UMOD: variants seen among roughly 807,000 people sequenced by gnomAD.
UMOD encodes the protein Tamm-Horsfall urinary glycoprotein.
UMOD carries 64 observed loss-of-function variants against 66.0 expected under a neutral mutation model. The observed-to-expected ratio is 0.97, with a 90% CI of 0.79 to 1.19. UMOD has a LOEUF of 1.19. Among genes scored for constraint, UMOD ranks in the 50% most tolerant of loss-of-function variants. UMOD has a pLI of 0.00. For synonymous variants in UMOD, 398 were observed against 352.7 expected (o/e 1.13, Z -1.44); for missense variants, 764 against 850.9 (o/e 0.90, Z 1.27).
At chr16:20,333,538 G>A (rs1964702862) in intron 10 of UMOD, among the ~76,000 whole-genome samples, 163 bp from the exon 11 acceptor site, 1 of 152,190 alleles carries the variant, frequency 6.6e-6, no homozygotes, top group Non-Finnish European at 1.5e-5. Context: ...GAAAAAGGTG[G>A]ACCGATTTGA....
chr16:20,350,536 A>G (rs112433356), intron 2 of UMOD, 114 bp downstream of exon 2: 15,901 of 1,313,298 alleles, frequency 0.012, 123 homozygotes, highest in Middle Eastern at 0.044. Context: ...TGCAAGTCTC[A>G]AGTGCGATAG....
rs995256512 is a variant in UMOD at position 20,349,692 on chromosome 16, C to T, written c.89-480G>A. The T allele has an allele frequency of 2.4e-5, 36 of 1,482,212 alleles. No individual in the cohort carries two copies. In the East Asian group the frequency reaches 2.5e-4, roughly 10 times the overall value. The allele number at this position is 1,482,212 out of a possible 1,614,324, so 91.8% of individuals were successfully genotyped here. A position where few individuals can be genotyped will look rare whatever the true frequency, so the allele number is the denominator to read the frequency against. On this transcript the variant is annotated intron_variant, in intron 2 of 10. Coordinates refer to ENST00000396138, the MANE Select transcript of UMOD (RefSeq NM_003361.4). ...AATAGCCACATTCAGAAAAGTAATG[C>T]GCAGAATTCCTATACTTTGGTAGGA...
At chr16:20,349,704 A>G (rs1965796125) in intron 2 of UMOD, 2 of 1,503,860 alleles carry the variant, frequency 1.3e-6, no homozygotes, top group African/African-American at 1.4e-5. Flanking sequence ...CAGAATTCCT[A>G]TACTTTGGTA....
At chr16:20,352,332 A>G (rs980073683) in intron 1 of UMOD, among the ~76,000 whole-genome samples, 3 of 152,160 alleles carry the variant, frequency 2.0e-5, no homozygotes, top group Non-Finnish European at 4.4e-5. Context: ...ACCCGCTAAT[A>G]AGATGCGACC....
upstream of UMOD, among the ~76,000 whole-genome samples, chr16:20,354,148 T>C (rs942582232): frequency 4.6e-5 from 7 of 152,198 alleles, no homozygotes; most frequent in Non-Finnish European, 8.8e-5. Flanking sequence ...CTTAATCCAG[T>C]CTATCATTGA....
At position 20,333,305 on chromosome 16, in the gene UMOD, C is replaced by T. The variant is rs759526603; in HGVS notation, c.*9G>A. 87 of 1,612,334 alleles carry T rather than the reference C, an allele frequency of 5.4e-5. No individual in the cohort carries two copies. The East Asian group carries it at 1.7e-3, about 31-fold the overall frequency. On this transcript the variant is annotated 3_prime_UTR_variant, in exon 11 of 11. Coordinates refer to ENST00000396138, the MANE Select transcript of UMOD (RefSeq NM_003361.4). ...GGCAGCCATGGAGCACAGGGCTTTCCGCTGTCAGTCACTGAAAAGTCAGGG... is the reference window on the plus strand; with the variant it reads ...GGCAGCCATGGAGCACAGGGCTTTCTGCTGTCAGTCACTGAAAAGTCAGGG...
chr16:20,344,328 C>T (rs118059635), intron 5 of UMOD, among the ~76,000 whole-genome samples, 156 bp from the exon 6 acceptor site: 1,650 of 152,160 alleles, frequency 0.011, 70 homozygotes, highest in South Asian at 0.11. Context: ...TGTGGCCGGG[C>T]GCATTAGCTC....
rs1965955372 is a variant in UMOD, at chr16:20,352,712, G to T, written c.-126C>A. The stretch of plus-strand genomic sequence containing the variant: ...ACCTGAAGCCAGAAAGGTAGAGTTA[G>T]TCTGGTCATGATGTGCCTCATACTT... On this transcript the variant is annotated 5_prime_UTR_variant, in exon 1 of 11. Transcript: ENST00000396138. The T allele has an allele frequency of 8.1e-7, 1 of 1,231,678 alleles. No individual in the cohort carries two copies. The highest frequency in any genetic ancestry group is 1.0e-6 in the Non-Finnish European group (1 of 987,956). The allele number at this position is 1,231,678 out of a possible 1,614,324, so 76.3% of individuals were successfully genotyped here. A position where few individuals can be genotyped will look rare whatever the true frequency, so the allele number is the denominator to read the frequency against.
upstream of UMOD, among the ~76,000 whole-genome samples, chr16:20,354,743 C>T (rs1966006150): frequency 6.6e-6 from 1 of 152,036 alleles, no homozygotes; most frequent in Admixed American, 6.6e-5. Flanking sequence ...GTATTTGGTG[C>T]TTGTACATTT....
intron 7 of UMOD, 48 bp downstream of exon 7, chr16:20,341,043 C>T (rs753855376): frequency 6.3e-7 from 1 of 1,589,430 alleles, no homozygotes; most frequent in South Asian, 1.1e-5. Flanking sequence ...TCCAAAGACC[C>T]CCTCTGAATT....
chr16:20,335,351 C>A, intron 10 of UMOD, 131 bp downstream of exon 10: 1 of 893,210 alleles, frequency 1.1e-6, no homozygotes, highest in Non-Finnish European at 1.8e-6. Flanking sequence ...CTGAGCCACT[C>A]TCCTTATTTA....
At chr16:20,339,096 G>A (rs1000826505) in intron 7 of UMOD, among the ~76,000 whole-genome samples, 2 of 152,206 alleles carry the variant, frequency 1.3e-5, no homozygotes, top group Non-Finnish European at 2.9e-5. Flanking sequence ...TCCCAGCATA[G>A]CAGGTATTAT....
chr16:20,353,838 T>C (rs1039530334), upstream of UMOD, among the ~76,000 whole-genome samples: 1 of 152,206 alleles, frequency 6.6e-6, no homozygotes, highest in African/African-American at 2.4e-5. Context: ...ACATGTGCCA[T>C]GTTGATGTGC....
At chr16:20,345,996 T>C in intron 5 of UMOD, 130 bp downstream of exon 5, 2 of 787,826 alleles carry the variant, frequency 2.5e-6, no homozygotes, top group Non-Finnish European at 4.1e-6. Context: ...ATTTCTCCAC[T>C]TTACAGTTGA....
At position 20,348,885 on chromosome 16, in the gene UMOD, G is replaced by A. The variant is rs759481702; in HGVS notation, c.416C>T (p.Ala139Val). 1.2e-5 allele frequency: 19 copies of A among 1,552,628 alleles called. No homozygotes were observed. The South Asian group carries it at 2.0e-4, about 16-fold the overall frequency. Residue 139 changes from alanine to valine, a missense_variant, in exon 3 of 11, where the codon GCG becomes GTG. By Grantham distance (64) the Ala-to-Val change is moderately conservative. Transcript: ENST00000396138. ...GTGCCATCCATCCCCCCGGTAGCCC[G>A]CGGGGCATACGCACAAGTAGCTGCC... ...VVGSYLCVCP[A>V]GYRGDGWHCE...
At chr16:20,338,327 CT>C (rs1303496138) in intron 7 of UMOD, among the ~76,000 whole-genome samples, 10 of 152,278 alleles carry the variant, frequency 6.6e-5, no homozygotes, top group African/African-American at 2.4e-4. Flanking sequence ...GTCTCCCCGA[CT>C]TGTCTCCTCT....
At chr16:20,335,631 T>C (rs1303534969) in intron 9 of UMOD, 111 bp from the exon 10 acceptor site, 1 of 1,054,770 alleles carries the variant, frequency 9.5e-7, no homozygotes, top group African/African-American at 1.6e-5. Context: ...ACTGATCTCT[T>C]CAAAACCCAA....
intron 7 of UMOD, 89 bp downstream of exon 7, chr16:20,341,002 A>T: frequency 7.0e-7 from 1 of 1,434,084 alleles, no homozygotes; most frequent in Non-Finnish European, 9.5e-7. Context: ...AAAAAAAAAA[A>T]AAAAAAAGAT....
At position 20,349,700 on chromosome 16, in the gene UMOD, T is replaced by C. The variant is rs556064659; in HGVS notation, c.89-488A>G. ...CATTCAGAAAAGTAATGCGCAGAAT[T>C]CCTATACTTTGGTAGGATTTACGGT... is the stretch of plus-strand genomic sequence containing the variant. On this transcript the variant is annotated intron_variant, in intron 2 of 10. Transcript: ENST00000396138. 18 of 1,501,464 alleles carry C rather than the reference T, an allele frequency of 1.2e-5. No individual in the cohort carries two copies. In the East Asian group the frequency reaches 3.7e-4, roughly 31 times the overall value. The allele number at this position is 1,501,464 out of a possible 1,614,324, so 93.0% of individuals were successfully genotyped here.
Sources: allele counts gnomAD v4.1 joint callset (sites outside exome capture counted in the v4.1 genomes callset), GRCh38; gene constraint gnomAD v4.1.1; transcripts MANE v1.5; gene names NCBI Gene and HGNC (gene_info 2026-07-23, HGNC 2026-07-21).